CADPS2: variants seen among roughly 807,000 people sequenced by gnomAD.
The protein encoded by CADPS2 is calcium dependent secretion activator 2.
A neutral mutation model predicts 172.5 loss-of-function variants in CADPS2; 93 were observed. The ratio of observed to expected loss-of-function variants is 0.54; its 90% CI spans 0.46 to 0.64. The LOEUF is 0.64. CADPS2 is among the 30% of genes least tolerant of loss of function. The pLI, the probability that CADPS2 is intolerant of heterozygous loss-of-function variation, is 0.00. For synonymous variants in CADPS2, 546 were observed against 555.2 expected, an observed-to-expected ratio of 0.98 and a Z score of 0.23; for missense variants, 1,420 against 1,565.9, an observed-to-expected ratio of 0.91 and a Z score of 1.57.
intron 17 of CADPS2, among the ~76,000 whole-genome samples, chr7:122,433,016 C>G (rs1239289616): frequency 1.3e-5 from 2 of 152,108 alleles, no homozygotes; most frequent in Non-Finnish European, 2.9e-5. Flanking sequence ...TTCTGTCACC[C>G]ACGCTGGATT....
intron 1 of CADPS2, among the ~76,000 whole-genome samples, chr7:122,851,591 G>C (rs925007029): frequency 1.3e-5 from 2 of 152,170 alleles, no homozygotes; most frequent in African/African-American, 4.8e-5. Context: ...TAATTTATCA[G>C]TAAGAAGAGG....
chr7:122,423,308 C>A (rs2048758130), intron 17 of CADPS2, among the ~76,000 whole-genome samples: 1 of 152,032 alleles, frequency 6.6e-6, no homozygotes, highest in Non-Finnish European at 1.5e-5. Flanking sequence ...TTAGGTACTT[C>A]CTTGCCCATT....
intron 2 of CADPS2, among the ~76,000 whole-genome samples, chr7:122,707,519 A>G (rs1443917302): frequency 6.6e-6 from 1 of 152,050 alleles, no homozygotes; most frequent in Non-Finnish European, 1.5e-5. Flanking sequence ...TTAAGATGAA[A>G]GGAAAACCAA....
At chr7:122,881,908 A>T (rs1472714172) in intron 1 of CADPS2, among the ~76,000 whole-genome samples, 1 of 152,164 alleles carries the variant, frequency 6.6e-6, no homozygotes, top group Non-Finnish European at 1.5e-5. Flanking sequence ...CATTGCCTTT[A>T]TATTATCTTT....
chr7:122,546,088 G>T (rs752910493), intron 8 of CADPS2, among the ~76,000 whole-genome samples: 1 of 152,116 alleles, frequency 6.6e-6, no homozygotes, highest in Non-Finnish European at 1.5e-5. Context: ...TGAATACTTA[G>T]AAATATAATG....
chr7:122,490,614 G>C (rs1238256913), intron 10 of CADPS2, among the ~76,000 whole-genome samples: 2 of 151,916 alleles, frequency 1.3e-5, no homozygotes, highest in African/African-American at 4.8e-5. Flanking sequence ...TTTATCTGTT[G>C]GCATAGTTGC....
At chr7:122,658,297 G>A (rs1373259980) in intron 3 of CADPS2, among the ~76,000 whole-genome samples, 3 of 152,192 alleles carry the variant, frequency 2.0e-5, no homozygotes, top group Non-Finnish European at 4.4e-5. Context: ...TGGTGGGACT[G>A]TAAACTAGTT....
At chr7:122,686,189 G>A (rs1044978866) in intron 2 of CADPS2, among the ~76,000 whole-genome samples, 3 of 151,966 alleles carry the variant, frequency 2.0e-5, no homozygotes, top group East Asian at 3.9e-4. Flanking sequence ...TTTATAAATT[G>A]CAAATTATCT....
At chr7:122,366,711 A>G (rs1371503295) in intron 25 of CADPS2, 2 of 149,274 alleles carry the variant, frequency 1.3e-5, no homozygotes, top group African/African-American at 4.9e-5. Flanking sequence ...GTATACATAT[A>G]TATATACACA....
At chr7:122,423,552 T>C (rs180951876) in intron 17 of CADPS2, among the ~76,000 whole-genome samples, 1 of 152,332 alleles carries the variant, frequency 6.6e-6, no homozygotes, top group African/African-American at 2.4e-5. Context: ...ATCGCTAAGA[T>C]GTGGCACTGC....
At chr7:122,627,493 A>G (rs144988581) in intron 4 of CADPS2, among the ~76,000 whole-genome samples, 145 of 152,284 alleles carry the variant, frequency 9.5e-4, no homozygotes, top group African/African-American at 3.3e-3. Context: ...ATCTCTGATG[A>G]AACCATTAGG....
intron 15 of CADPS2, among the ~76,000 whole-genome samples, chr7:122,449,797 T>A (rs1476693025): frequency 4.6e-5 from 7 of 152,178 alleles, no homozygotes; most frequent in African/African-American, 1.7e-4. Flanking sequence ...TTTACTGGCC[T>A]TTTTGGGCAG....
At position 122,886,158 on chromosome 7, in the gene CADPS2, G is replaced by T; in HGVS notation, c.180C>A (p.Ser60Arg). The change falls in exon 1 of 30, where the codon AGC becomes AGA. Residue 60 changes from serine (S) to arginine (R), a missense_variant. Transcript: ENST00000449022. ...CTCGCCCCTCGCTGAGCACAGAGGG[G>T]CTCGGGCTCACAGATCTGGCCGCGC... ...GGGAARSVSP[S>R]PSVLSEGRDE... 1 of 1,533,428 alleles carries T rather than the reference G, an allele frequency of 6.5e-7. No homozygotes were observed. Among genetic ancestry groups the T allele is most frequent in the Non-Finnish European group, 8.8e-7 (1 of 1,140,990 alleles). The allele number at this position is 1,533,428 out of a possible 1,614,324, so 95.0% of individuals were successfully genotyped here. A position where few individuals can be genotyped will look rare whatever the true frequency, so the allele number is the denominator to read the frequency against.
chr7:122,584,201 A>G (rs2069293774), intron 6 of CADPS2, among the ~76,000 whole-genome samples: 1 of 151,924 alleles, frequency 6.6e-6, no homozygotes, highest in African/African-American at 2.4e-5. Context: ...ATCTGTTCCT[A>G]TAACTCACCT....
chr7:122,759,892 C>T (rs1032016301), intron 1 of CADPS2, among the ~76,000 whole-genome samples: 44 of 151,650 alleles, frequency 2.9e-4, no homozygotes, highest in African/African-American at 1.0e-3. Flanking sequence ...CCTAAGTGAG[C>T]GTATAAAATA....
At chr7:122,765,541 A>G (rs2093521084) in intron 1 of CADPS2, among the ~76,000 whole-genome samples, 1 of 152,116 alleles carries the variant, frequency 6.6e-6, no homozygotes, top group Admixed American at 6.6e-5. Context: ...CTCCTACAGT[A>G]CCTACTTCAT....
intron 6 of CADPS2, among the ~76,000 whole-genome samples, chr7:122,603,468 A>T (rs1378693638): frequency 6.7e-6 from 1 of 149,932 alleles, no homozygotes; most frequent in Non-Finnish European, 1.5e-5. Flanking sequence ...CAGAAAAAAA[A>T]AACACTCAAA....
At chr7:122,502,506 T>C (rs2059284575) in intron 9 of CADPS2, among the ~76,000 whole-genome samples, 1 of 152,016 alleles carries the variant, frequency 6.6e-6, no homozygotes, top group African/African-American at 2.4e-5. Flanking sequence ...ACCCATATTT[T>C]CTCTATTTAT....
chr7:122,600,777 T>A (rs543235684), intron 6 of CADPS2, among the ~76,000 whole-genome samples: 87 of 152,216 alleles, frequency 5.7e-4, no homozygotes, highest in African/African-American at 1.6e-3. Flanking sequence ...AAAGAACTAA[T>A]GAGCCTCTCC....
Sources: allele counts gnomAD v4.1 joint callset (sites outside exome capture counted in the v4.1 genomes callset), GRCh38; gene constraint gnomAD v4.1.1; transcripts MANE v1.5; gene names NCBI Gene and HGNC (gene_info 2026-07-23, HGNC 2026-07-21).